Variants in IL1RAPL1 observed in about 807,000 individuals in gnomAD.
The protein encoded by IL1RAPL1 is interleukin-1 receptor accessory protein-like 1.
A neutral mutation model predicts 48.4 loss-of-function variants in IL1RAPL1; 3 were observed. The ratio of observed to expected loss-of-function variants is 0.06; its 90% confidence interval spans 0.03 to 0.16. The LOEUF is 0.16. IL1RAPL1 is among the 10% of genes least tolerant of loss of function. IL1RAPL1 has a pLI of 1.00. For synonymous variants in IL1RAPL1, 185 were observed against 187.7 expected (o/e 0.99, Z 0.12); for missense variants, 349 against 530.6 (o/e 0.66, Z 3.36).
At chrX:29,077,873 G>T (rs1487858352) in intron 2 of IL1RAPL1, among the ~76,000 whole-genome samples, 1 of 111,590 alleles carries the variant, frequency 9.0e-6, no homozygotes, top group Non-Finnish European at 1.9e-5. Flanking sequence ...ATAAATCTGG[G>T]AGTCCCAGAG....
chrX:29,364,562 CAAAAAAA>C (rs766680904), intron 3 of IL1RAPL1, among the ~76,000 whole-genome samples: 1 of 43,581 alleles, frequency 2.3e-5, no homozygotes, highest in Admixed American at 3.1e-4. Flanking sequence ...GACTCTATCT[CAAAAAAA>C]AAAAAAAAAA....
chrX:29,342,795 A>G lies in IL1RAPL1; in HGVS notation c.363-53463A>G, dbSNP rs1049557525. On this transcript the variant is annotated intron_variant, in intron 3 of 10. Transcript: ENST00000378993. ...TGCTAACACGCTACTAAAAATTACG[A>G]TGTTGATAATGTGTTTCTCTTTAAG... Among the ~76,000 whole-genome samples, 130 of 112,666 alleles carry G rather than the reference A, an allele frequency of 1.2e-3. 1 individual carries two copies. Among genetic ancestry groups the G allele is most frequent in the African/African-American group, 4.0e-3 (124 of 31,004 alleles).
chrX:29,297,504 G>C (rs1483103253), intron 3 of IL1RAPL1, among the ~76,000 whole-genome samples: 1 of 112,063 alleles, frequency 8.9e-6, no homozygotes, highest in Non-Finnish European at 1.9e-5. Context: ...TTTTCAAATA[G>C]TCATTACAAG....
chrX:29,068,784 C>T (rs1213213370), intron 2 of IL1RAPL1, among the ~76,000 whole-genome samples: 1 of 111,919 alleles, frequency 8.9e-6, no homozygotes, highest in Admixed American at 9.5e-5. Flanking sequence ...TTTAAGAGTT[C>T]AGGCTTCATT....
intron 1 of IL1RAPL1, among the ~76,000 whole-genome samples, chrX:28,606,693 A>C (rs1934087866): frequency 8.9e-6 from 1 of 111,967 alleles, no homozygotes; most frequent in African/African-American, 3.2e-5. Flanking sequence ...TAATAAGGAT[A>C]ATTTTTAAAA....
chrX:28,647,674 C>T lies in IL1RAPL1; in HGVS notation c.-25+59627C>T, dbSNP rs143934938. Among the ~76,000 whole-genome samples the T allele has an allele frequency of 2.9e-3, 324 of 111,554 alleles. 1 individual carries two copies. The highest frequency in any genetic ancestry group is 0.01 in the African/African-American group (308 of 30,666). ...ATTTCATTGCATAGTTTTGAATTGT[C>T]GGATACATTTGAGTGAATGGATTTG... On this transcript the variant is annotated intron_variant, in intron 1 of 10. Transcript: ENST00000378993.
intron 5 of IL1RAPL1, among the ~76,000 whole-genome samples, chrX:29,615,279 A>G (rs922162724): frequency 8.9e-6 from 1 of 111,998 alleles, no homozygotes; most frequent in Non-Finnish European, 1.9e-5. Context: ...TAATATTACG[A>G]CTTTTCCAAG....
At chrX:29,857,415 A>G (rs981196007) in intron 6 of IL1RAPL1, among the ~76,000 whole-genome samples, 10 of 112,089 alleles carry the variant, frequency 8.9e-5, no homozygotes, top group Non-Finnish European at 1.9e-4. Flanking sequence ...CCAAATTTCT[A>G]TGTCTATGTC....
chrX:29,424,035 A>G (rs1382087398), intron 5 of IL1RAPL1, among the ~76,000 whole-genome samples: 2 of 111,549 alleles, frequency 1.8e-5, no homozygotes, highest in East Asian at 2.8e-4. Flanking sequence ...TATGCACACA[A>G]TAGGGTGCAA....
intron 5 of IL1RAPL1, among the ~76,000 whole-genome samples, chrX:29,530,339 C>T (rs1295825360): frequency 9.0e-6 from 1 of 111,011 alleles, no homozygotes; most frequent in Non-Finnish European, 1.9e-5. Flanking sequence ...GAGGAAATAC[C>T]AGGAGATGTT....
intron 6 of IL1RAPL1, among the ~76,000 whole-genome samples, chrX:29,677,168 A>T: frequency 8.9e-6 from 1 of 112,166 alleles, no homozygotes; most frequent in Non-Finnish European, 1.9e-5. Flanking sequence ...CTAAATAACT[A>T]AGGATTTCTA....
At chrX:29,789,780 C>CTTTTT (rs143889631) in intron 6 of IL1RAPL1, among the ~76,000 whole-genome samples, 3 of 81,861 alleles carry the variant, frequency 3.7e-5, no homozygotes, top group Non-Finnish European at 4.8e-5. Context: ...TCATGAGTTT[C>CTTTTT]TTTTTTTTTT....
intron 6 of IL1RAPL1, among the ~76,000 whole-genome samples, chrX:29,739,397 T>C (rs759531969): frequency 8.9e-6 from 1 of 111,918 alleles, no homozygotes; most frequent in Non-Finnish European, 1.9e-5. Context: ...GTTTCCTCAG[T>C]ATTTTTTTCA....
At chrX:28,737,402 G>A (rs1258864738) in intron 1 of IL1RAPL1, among the ~76,000 whole-genome samples, 3 of 108,207 alleles carry the variant, frequency 2.8e-5, no homozygotes, top group Non-Finnish European at 5.7e-5. Context: ...GATTACAGGT[G>A]CCTGCCACCA....
At position 29,210,343 on chromosome X, in the gene IL1RAPL1, G is replaced by A. The variant is rs371080464; in HGVS notation, c.83-72595G>A. On this transcript the variant is annotated intron_variant, in intron 2 of 10. Coordinates refer to ENST00000378993, the MANE Select transcript of IL1RAPL1 (RefSeq NM_014271.4). ...TTGGGAAGTTGGCATAATATAAATC[G>A]TGACGCTCTTCTGATAGAATGTGTC... Among the ~76,000 whole-genome samples, 69 of 111,509 alleles carry A rather than the reference G, an allele frequency of 6.2e-4. 1 individual carries two copies. The highest frequency in any genetic ancestry group is 3.4e-3 in the Admixed American group (36 of 10,463).
intron 6 of IL1RAPL1, among the ~76,000 whole-genome samples, chrX:29,675,517 C>G (rs954573257): frequency 3.6e-5 from 4 of 112,584 alleles, no homozygotes; most frequent in African/African-American, 1.3e-4. Context: ...AGGTATAAAT[C>G]TTTGCAATTC....
rs779856853 is a variant in IL1RAPL1, at chrX:29,336,847, A to G, written c.362+53630A>G. ...AGACACCTGTCACATGTGGGTTTTC[A>G]GGGGAGAACAGAGAAGGTCAGAGAG... On this transcript the variant is annotated intron_variant, in intron 3 of 10. Coordinates refer to ENST00000378993, the MANE Select transcript of IL1RAPL1 (RefSeq NM_014271.4). Among the ~76,000 whole-genome samples the G allele has an allele frequency of 6.3e-5, 7 of 111,643 alleles. No homozygotes were observed. In the East Asian group the frequency reaches 2.0e-3, roughly 31 times the overall value.
chrX:29,937,505 A>G (rs1015462619), intron 8 of IL1RAPL1, among the ~76,000 whole-genome samples: 1 of 112,346 alleles, frequency 8.9e-6, no homozygotes, highest in Non-Finnish European at 1.9e-5. Context: ...TGTATTAATG[A>G]ATCTGTCTGG....
At chrX:29,703,212 T>C (rs1162696174) in intron 6 of IL1RAPL1, among the ~76,000 whole-genome samples, 1 of 112,210 alleles carries the variant, frequency 8.9e-6, no homozygotes, top group Non-Finnish European at 1.9e-5. Context: ...TTCTGTCCTG[T>C]TTTTGAAAGT....
Sources: allele counts gnomAD v4.1 joint callset (sites outside exome capture counted in the v4.1 genomes callset), GRCh38; gene constraint gnomAD v4.1.1; transcripts MANE v1.5; gene names NCBI Gene and HGNC (gene_info 2026-07-23, HGNC 2026-07-21).